The following CLRN1 variants were observed in gnomAD, a reference collection of about 807,000 sequenced individuals.
The protein encoded by CLRN1 is clarin-1.
Under a neutral mutation model 18.7 loss-of-function variants are expected in CLRN1, and 15 were observed. The ratio of observed to expected loss-of-function variants is 0.80; its 90% CI spans 0.54 to 1.23. The LOEUF (loss-of-function observed/expected upper bound fraction) is 1.23. Among genes scored for constraint, CLRN1 ranks in the 50% most tolerant of loss-of-function variants. The probability of loss-of-function intolerance (pLI) is 0.00; values close to 1 mark genes in which losing one functional copy is unlikely to be tolerated. For synonymous variants in CLRN1, 104 were observed against 102.9 expected (o/e 1.01, Z -0.07); for missense variants, 311 against 277.5 (o/e 1.12, Z -0.86).
At chr3:150,943,845 G>A (rs1386406219) in intron 1 of CLRN1, 1 of 1,614,208 alleles carries the variant, frequency 6.2e-7, no homozygotes, top group South Asian at 1.1e-5. Flanking sequence ...GGGCCTGCAT[G>A]GAGTTTACTC....
intron 1 of CLRN1, among the ~76,000 whole-genome samples, chr3:150,956,172 A>C (rs688776): frequency 0.47 from 71,834 of 151,882 alleles, 18,688 homozygotes; most frequent in East Asian, 0.74. Context: ...AAGCACACAC[A>C]TTTTTCTTTT....
At chr3:150,961,186 C>G (rs964525427) in intron 1 of CLRN1, among the ~76,000 whole-genome samples, 3 of 152,254 alleles carry the variant, frequency 2.0e-5, no homozygotes, top group African/African-American at 7.2e-5. Flanking sequence ...CTCCCCTCCT[C>G]CTTGTGGCTT....
intron 1 of CLRN1, among the ~76,000 whole-genome samples, chr3:150,946,363 C>T (rs1289563717): frequency 1.3e-5 from 2 of 152,160 alleles, no homozygotes; most frequent in Non-Finnish European, 1.5e-5. Context: ...AATTCATGTT[C>T]TCACTCTTAA....
At chr3:150,947,791 C>A (rs900957338) in intron 1 of CLRN1, among the ~76,000 whole-genome samples, 1 of 152,106 alleles carries the variant, frequency 6.6e-6, no homozygotes, top group Non-Finnish European at 1.5e-5. Flanking sequence ...ACAACATGTT[C>A]CTGAATGACT....
chr3:150,956,256 T>C (rs1310406367), intron 1 of CLRN1, among the ~76,000 whole-genome samples: 1 of 152,172 alleles, frequency 6.6e-6, no homozygotes, highest in African/African-American at 2.4e-5. Context: ...ACTTCGGTAA[T>C]GGTGCTTTCT....
chr3:150,971,516 G>GA (rs879449382), intron 1 of CLRN1, among the ~76,000 whole-genome samples: 29 of 148,316 alleles, frequency 2.0e-4, no homozygotes, highest in East Asian at 1.2e-3. Flanking sequence ...ATACTAGAAA[G>GA]AAAAAAAAAA....
intron 1 of CLRN1, among the ~76,000 whole-genome samples, chr3:150,953,329 T>C (rs979981431): frequency 3.3e-5 from 5 of 152,130 alleles, no homozygotes; most frequent in East Asian, 1.9e-4. Flanking sequence ...GCGTTCAGAA[T>C]TACCCTCCCT....
chr3:150,950,355 A>C (rs1005870178), intron 1 of CLRN1, among the ~76,000 whole-genome samples: 8 of 152,298 alleles, frequency 5.3e-5, no homozygotes, highest in African/African-American at 1.7e-4. Flanking sequence ...TAAAAGAAAC[A>C]ATCAAAAGAG....
chr3:150,961,926 C>G (rs1038873043), intron 1 of CLRN1, among the ~76,000 whole-genome samples: 7 of 152,130 alleles, frequency 4.6e-5, no homozygotes, highest in Non-Finnish European at 1.0e-4. Flanking sequence ...ATCCATGACC[C>G]CAGCACTTAA....
intron 1 of CLRN1, among the ~76,000 whole-genome samples, chr3:150,971,559 T>C (rs1715535563): frequency 6.6e-6 from 1 of 152,184 alleles, no homozygotes; most frequent in Admixed American, 6.5e-5. Flanking sequence ...TTTAAATGCT[T>C]CAGTTGGTAA....
rs201624666 is a variant in CLRN1, at chr3:150,927,927, G to C, written c.*9C>G. On this transcript the variant is annotated 3_prime_UTR_variant, in exon 3 of 3. Transcript: ENST00000327047. ...TACTCCCTTGTAAAATTATAGAAAG[G>C]TTTGCCTTTCAGTACATTAGATCTG... is the stretch of plus-strand genomic sequence containing the variant. The C allele has an allele frequency of 3.6e-5, 58 of 1,613,818 alleles. No homozygotes were observed. The highest frequency in any genetic ancestry group is 4.7e-5 in the Non-Finnish European group (55 of 1,179,982).
chr3:150,947,767 T>C (rs942550186), intron 1 of CLRN1, among the ~76,000 whole-genome samples: 7 of 152,204 alleles, frequency 4.6e-5, no homozygotes, highest in African/African-American at 1.4e-4. Flanking sequence ...ACCATGCAAT[T>C]ACATGGAAAT....
intron 1 of CLRN1, among the ~76,000 whole-genome samples, chr3:150,960,282 G>A (rs914659449): frequency 2.6e-5 from 4 of 152,128 alleles, no homozygotes; most frequent in Admixed American, 2.6e-4. Context: ...AAGAGCAGAA[G>A]GGTTATATTT....
At chr3:150,938,814 T>C (rs1713636260) in intron 2 of CLRN1, among the ~76,000 whole-genome samples, 1 of 152,204 alleles carries the variant, frequency 6.6e-6, no homozygotes, top group Non-Finnish European at 1.5e-5. Flanking sequence ...CAGAATAGAA[T>C]GCAGGCACAG....
intron 1 of CLRN1, among the ~76,000 whole-genome samples, chr3:150,948,668 G>T (rs938238629): frequency 1.3e-5 from 2 of 151,840 alleles, no homozygotes; most frequent in Admixed American, 1.3e-4. Context: ...GGAAAAAACC[G>T]ACTCCACTTC....
intron 1 of CLRN1, among the ~76,000 whole-genome samples, chr3:150,951,960 A>G (rs1049785613): frequency 1.3e-5 from 2 of 152,168 alleles, no homozygotes; most frequent in African/African-American, 4.8e-5. Flanking sequence ...GGGGATTACG[A>G]TTCGACATGA....
chr3:150,949,533 G>A (rs1714376134), intron 1 of CLRN1, among the ~76,000 whole-genome samples: 2 of 152,018 alleles, frequency 1.3e-5, no homozygotes, highest in African/African-American at 2.4e-5. Context: ...AAAATCACTA[G>A]CATTCCTATA....
rs140524376 is a variant in CLRN1 at position 150,944,713 on chromosome 3, C to T, written c.254-2952G>A. Among the ~76,000 whole-genome samples the T allele has an allele frequency of 6.6e-5, 10 of 151,736 alleles. No individual in the cohort carries two copies. In the East Asian group the frequency reaches 1.6e-3, roughly 24 times the overall value. Reference sequence around the variant, plus strand: ...GAGGTTGCAGTGAGCCAAGGTCCCACCACTGCACTCCAGCCTGGGCAACAG... The same window carrying T: ...GAGGTTGCAGTGAGCCAAGGTCCCATCACTGCACTCCAGCCTGGGCAACAG... On this transcript the variant is annotated intron_variant, in intron 1 of 2. Coordinates refer to ENST00000327047, the MANE Select transcript of CLRN1 (RefSeq NM_174878.3).
Position 150,939,997 on chromosome 3 carries a change from C to A in CLRN1, c.433+1585G>T, listed in dbSNP as rs148630473. Among the ~76,000 whole-genome samples the A allele has an allele frequency of 4.6e-5, 7 of 152,278 alleles. No homozygotes were observed. The East Asian group carries it at 1.4e-3, about 29-fold the overall frequency. On this transcript the variant is annotated intron_variant, in intron 2 of 2. Transcript: ENST00000327047. ...CTTCAAAGCGCCTGTTCTACCAGTT[C>A]CATGTCATCTGAATTCTGATTGCTG...
Sources: allele counts gnomAD v4.1 joint callset (sites outside exome capture counted in the v4.1 genomes callset), GRCh38; gene constraint gnomAD v4.1.1; transcripts MANE v1.5; gene names NCBI Gene and HGNC (gene_info 2026-07-23, HGNC 2026-07-21).